The following TASP1 variants were observed in gnomAD, a reference collection of about 807,000 sequenced individuals.
TASP1 encodes threonine aspartase 1.
A neutral mutation model predicts 56.6 loss-of-function variants in TASP1; 16 were observed. That is an observed-to-expected ratio of 0.28 (90% CI 0.19 to 0.43). The LOEUF is 0.43. Among genes scored for constraint, TASP1 ranks in the 20% least tolerant of loss-of-function variants. The pLI is 1.00. For missense variants in TASP1, 393 were observed against 511.6 expected (o/e 0.77, Z 2.24); for synonymous variants, 179 against 184.2 (o/e 0.97, Z 0.23).
intron 13 of TASP1, among the ~76,000 whole-genome samples, chr20:13,410,588 A>G (rs1418542348): frequency 6.6e-6 from 1 of 152,128 alleles, no homozygotes; most frequent in Non-Finnish European, 1.5e-5. Flanking sequence ...ACTGACGTTG[A>G]GCATTTTGTC....
downstream of TASP1, among the ~76,000 whole-genome samples, chr20:13,387,353 C>G (rs960248864): frequency 5.9e-5 from 9 of 151,904 alleles, no homozygotes; most frequent in Non-Finnish European, 1.2e-4. Context: ...ACCACCACGC[C>G]CAGCTTAATT....
the TASP1 span, among the ~76,000 whole-genome samples, chr20:13,121,345 C>G: frequency 8.7e-4 from 133 of 152,318 alleles, no homozygotes; most frequent in African/African-American, 3.1e-3. Flanking sequence ...CAGCCAAAGC[C>G]AGGTCACTCT....
the TASP1 span, among the ~76,000 whole-genome samples, chr20:13,155,551 G>A: frequency 3.3e-5 from 5 of 152,178 alleles, no homozygotes; most frequent in African/African-American, 1.2e-4. Flanking sequence ...TGAAGGCTGG[G>A]CGCGGTGGCT....
At chr20:13,337,736 CAATTTTCAGCAA>C in the TASP1 span, among the ~76,000 whole-genome samples, 8 of 152,148 alleles carry the variant, frequency 5.3e-5, no homozygotes, top group African/African-American at 1.9e-4. Flanking sequence ...AGTGGGACAG[CAATTTTCAGCAA>C]ATGTTTTCGG....
intron 12 of TASP1, among the ~76,000 whole-genome samples, chr20:13,424,317 A>G (rs1407833224): frequency 6.6e-6 from 1 of 152,232 alleles, no homozygotes. Flanking sequence ...AAAATTTAAA[A>G]TCTCAGTAAA....
At chr20:13,614,133 C>T (rs922957244) in intron 4 of TASP1, among the ~76,000 whole-genome samples, 1 of 152,116 alleles carries the variant, frequency 6.6e-6, no homozygotes, top group Non-Finnish European at 1.5e-5. Flanking sequence ...TTATATCTAG[C>T]CAAATAGAGC....
At chr20:13,167,064 T>C in the TASP1 span, 1 of 152,176 alleles carries the variant, frequency 6.6e-6, no homozygotes, top group African/African-American at 2.4e-5. Context: ...CAACTGTTGA[T>C]ATACAGGTAT....
intron 13 of TASP1, among the ~76,000 whole-genome samples, chr20:13,394,480 C>T (rs538836018): frequency 1.8e-4 from 27 of 151,940 alleles, no homozygotes; most frequent in African/African-American, 6.3e-4. Context: ...GACGTGGTGG[C>T]AGGCACCTGT....
At chr20:13,516,561 G>A (rs2044542518) in intron 10 of TASP1, among the ~76,000 whole-genome samples, 1 of 151,980 alleles carries the variant, frequency 6.6e-6, no homozygotes, top group African/African-American at 2.4e-5. Flanking sequence ...ACAATGGGAA[G>A]GAAAAGGCAT....
At chr20:13,627,566 C>G (rs1170381910) in intron 2 of TASP1, among the ~76,000 whole-genome samples, 1 of 151,974 alleles carries the variant, frequency 6.6e-6, no homozygotes, top group Non-Finnish European at 1.5e-5. Context: ...GCCTGGCCAA[C>G]ATGGTGAAAC....
chr20:13,466,450 C>A (rs549182675), intron 11 of TASP1, among the ~76,000 whole-genome samples: 22 of 152,232 alleles, frequency 1.4e-4, no homozygotes, highest in Middle Eastern at 3.4e-3. Context: ...TCTTTAAAAT[C>A]AAAAAGCCAC....
chr20:13,582,515 TTGAAAA>T (rs2047163688), intron 5 of TASP1, among the ~76,000 whole-genome samples: 1 of 152,000 alleles, frequency 6.6e-6, no homozygotes, highest in Non-Finnish European at 1.5e-5. Flanking sequence ...AAATAAAACT[TTGAAAA>T]AGAAAAATGA....
intron 10 of TASP1, among the ~76,000 whole-genome samples, chr20:13,497,122 A>T (rs2043761598): frequency 6.6e-6 from 1 of 152,220 alleles, no homozygotes; most frequent in South Asian, 2.1e-4. Flanking sequence ...ATAGCTCCAA[A>T]AATGTAGGGT....
intron 11 of TASP1, among the ~76,000 whole-genome samples, chr20:13,465,981 TACAC>T (rs2044242952): frequency 6.6e-6 from 1 of 152,018 alleles, no homozygotes; most frequent in South Asian, 2.1e-4. Flanking sequence ...TAAATACACA[TACAC>T]ACATGCACAC....
the TASP1 span, among the ~76,000 whole-genome samples, chr20:13,356,055 C>T: frequency 6.6e-6 from 1 of 152,210 alleles, no homozygotes; most frequent in African/African-American, 2.4e-5. Flanking sequence ...GATTTCATCT[C>T]ACTCTTTATT....
At chr20:13,342,493 G>A in the TASP1 span, among the ~76,000 whole-genome samples, 1 of 152,132 alleles carries the variant, frequency 6.6e-6, no homozygotes, top group African/African-American at 2.4e-5. Context: ...GGACACAGGA[G>A]GCCACCTTGG....
chr20:13,143,459 A>G, the TASP1 span, among the ~76,000 whole-genome samples: 1 of 152,202 alleles, frequency 6.6e-6, no homozygotes. Flanking sequence ...TATCCTTGTC[A>G]TGATTCCCAT....
At chr20:13,184,638 C>T in the TASP1 span, among the ~76,000 whole-genome samples, 17 of 152,326 alleles carry the variant, frequency 1.1e-4, no homozygotes, top group East Asian at 2.5e-3. Flanking sequence ...TCTTTCCCTT[C>T]CTTTGACTTT....
At position 13,521,141 on chromosome 20, in the gene TASP1, T is replaced by G. The variant is rs546202143; in HGVS notation, c.874+7292A>C. Among the ~76,000 whole-genome samples, 201 of 152,238 alleles carry G rather than the reference T, an allele frequency of 1.3e-3. 1 individual carries two copies. Among genetic ancestry groups the G allele is most frequent in the African/African-American group, 4.5e-3 (187 of 41,540 alleles). ...AGGAAACAACAGATGCTGGAGAGGA[T>G]GTGGAGAAATAGGAACACTTTTACA... is the stretch of plus-strand genomic sequence containing the variant. On this transcript the variant is annotated intron_variant, in intron 10 of 13. Coordinates refer to ENST00000337743, the MANE Select transcript of TASP1 (RefSeq NM_017714.3).
Sources: gnomAD v4.1 joint callset for allele counts (sites outside exome capture counted in the v4.1 genomes callset) on GRCh38, gnomAD v4.1.1 for gene constraint, MANE v1.5 for transcripts, NCBI Gene and HGNC (gene_info 2026-07-23, HGNC 2026-07-21) for gene names.